The following KATNIP variants were observed in gnomAD, a reference collection of about 807,000 sequenced individuals.
KATNIP encodes katanin-interacting protein.
In KATNIP, 126 loss-of-function variants were observed where a neutral mutation model predicts 174.0. That is an observed-to-expected ratio of 0.72 (90% CI 0.63 to 0.84). The LOEUF (loss-of-function observed/expected upper bound fraction) is 0.84. KATNIP is among the 40% of genes least tolerant of loss of function. The pLI is 0.00. For synonymous variants in KATNIP, 810 were observed against 835.7 expected (o/e 0.97, Z 0.53); for missense variants, 1,958 against 2,109.7 (o/e 0.93, Z 1.41).
chr16:27,707,641 C>T (rs1167508129), intron 12 of KATNIP, among the ~76,000 whole-genome samples: 1 of 152,254 alleles, frequency 6.6e-6, no homozygotes, highest in African/African-American at 2.4e-5. Context: ...ACCAGGGCTG[C>T]CATAACAAAA....
intron 14 of KATNIP, among the ~76,000 whole-genome samples, chr16:27,735,688 C>T (rs778432314): frequency 6.6e-6 from 1 of 152,198 alleles, no homozygotes; most frequent in Non-Finnish European, 1.5e-5. Context: ...TGTGGCGTAA[C>T]GCAGGCCGGA....
Position 27,595,050 on chromosome 16 carries a change from T to G in KATNIP, c.63+21094T>G, listed in dbSNP as rs1020978078. On this transcript the variant is annotated intron_variant, in intron 2 of 27. Coordinates refer to ENST00000261588, the MANE Select transcript of KATNIP (RefSeq NM_015202.5). The stretch of plus-strand genomic sequence containing the variant: ...TTCAGGAGGAATTGGCATTGAAGCC[T>G]GAATAGATGATGGCAGGATTGGGGT... Among the ~76,000 whole-genome samples the G allele has an allele frequency of 9.8e-5, 15 of 152,288 alleles. 1 individual carries two copies. Among genetic ancestry groups the G allele is most frequent in the Admixed American group, 9.2e-4 (14 of 15,284 alleles).
chr16:27,710,462 C>T (rs930299653), intron 13 of KATNIP, among the ~76,000 whole-genome samples: 21 of 152,308 alleles, frequency 1.4e-4, no homozygotes, highest in African/African-American at 4.6e-4. Flanking sequence ...AGACTGTGAG[C>T]TAAACTGAGC....
At chr16:27,575,396 C>T (rs2106639) in intron 2 of KATNIP, among the ~76,000 whole-genome samples, 1,691 of 152,164 alleles carry the variant, frequency 0.011, 44 homozygotes, top group African/African-American at 0.038. Context: ...ATGTCCCAGG[C>T]TTATGAGAAT....
rs1181658524 is a variant in KATNIP at position 27,771,660 on chromosome 16, TCTC to T, written c.4198+13_4198+15del. The T allele has an allele frequency of 1.9e-6, 3 of 1,612,582 alleles. No individual in the cohort carries two copies. The highest frequency in any genetic ancestry group is 2.5e-6 in the Non-Finnish European group (3 of 1,179,192). On this transcript the variant is annotated intron_variant, in intron 22 of 27. Transcript: ENST00000261588. ...CGCTGATGCCCTGTGGCTGTATCCTTCTCCTCCCGCCCCACCAGCACATTCTGG... is the reference window on the plus strand; with the variant it reads ...CGCTGATGCCCTGTGGCTGTATCCTTCTCCCGCCCCACCAGCACATTCTGG...
intron 2 of KATNIP, among the ~76,000 whole-genome samples, chr16:27,607,305 G>T (rs894761324): frequency 6.6e-6 from 1 of 152,170 alleles, no homozygotes; most frequent in South Asian, 2.1e-4. Context: ...GAGGCTCTGA[G>T]ACCTTCAGAC....
intron 6 of KATNIP, among the ~76,000 whole-genome samples, chr16:27,671,132 G>T (rs955118189): frequency 3.3e-5 from 5 of 152,186 alleles, no homozygotes; most frequent in African/African-American, 1.2e-4. Flanking sequence ...GGCAGAGGTT[G>T]CAGTGAGCTG....
At chr16:27,650,098 G>A (rs1432853478) in intron 6 of KATNIP, among the ~76,000 whole-genome samples, 7 of 152,046 alleles carry the variant, frequency 4.6e-5, no homozygotes, top group South Asian at 2.1e-4. Flanking sequence ...TCTTGAACCC[G>A]GGAGGCAGAG....
chr16:27,757,409 C>G, intron 18 of KATNIP: 1 of 759,138 alleles, frequency 1.3e-6, no homozygotes, highest in Non-Finnish European at 1.6e-6. Flanking sequence ...CAGAGCGGGT[C>G]AGAGTGTGGT....
At chr16:27,772,711 A>C (rs2082349743) in intron 22 of KATNIP, among the ~76,000 whole-genome samples, 1 of 152,152 alleles carries the variant, frequency 6.6e-6, no homozygotes, top group Non-Finnish European at 1.5e-5. Flanking sequence ...TTTGTTCAAT[A>C]CCATACAATC....
chr16:27,564,349 A>G (rs2090005226), intron 1 of KATNIP, among the ~76,000 whole-genome samples: 1 of 152,124 alleles, frequency 6.6e-6, no homozygotes, highest in Non-Finnish European at 1.5e-5. Context: ...TAGCTAAGAG[A>G]GACGGGCTGA....
intron 6 of KATNIP, among the ~76,000 whole-genome samples, chr16:27,665,108 CTCTGT>C (rs2077636959): frequency 6.6e-6 from 1 of 150,886 alleles, no homozygotes; most frequent in Non-Finnish European, 1.5e-5. Flanking sequence ...ATTGTTTCTG[CTCTGT>C]TCTCCGGAGG....
At chr16:27,775,727 G>C (rs1002688947) in intron 24 of KATNIP, among the ~76,000 whole-genome samples, 24 of 152,356 alleles carry the variant, frequency 1.6e-4, no homozygotes, top group African/African-American at 5.5e-4. Flanking sequence ...CCCAGGGCCA[G>C]GTGCCTGGTA....
At chr16:27,665,255 C>G (rs2077642621) in intron 6 of KATNIP, among the ~76,000 whole-genome samples, 1 of 151,938 alleles carries the variant, frequency 6.6e-6, no homozygotes, top group Non-Finnish European at 1.5e-5. Context: ...AGGCATCCAC[C>G]ACCACGCCTG....
intron 2 of KATNIP, among the ~76,000 whole-genome samples, chr16:27,587,368 T>C (rs958565606): frequency 6.6e-6 from 1 of 152,244 alleles, no homozygotes; most frequent in African/African-American, 2.4e-5. Context: ...AGTTTACACC[T>C]GCAGATAGCC....
At chr16:27,586,100 C>G (rs540927551) in intron 2 of KATNIP, among the ~76,000 whole-genome samples, 52 of 151,818 alleles carry the variant, frequency 3.4e-4, no homozygotes, top group African/African-American at 1.2e-3. Context: ...GACTCTGTCT[C>G]AAAAAAATAA....
intron 14 of KATNIP, among the ~76,000 whole-genome samples, chr16:27,731,215 CAG>C (rs2080667661): frequency 6.6e-6 from 1 of 152,170 alleles, no homozygotes; most frequent in Non-Finnish European, 1.5e-5. Flanking sequence ...CCAAACTTAG[CAG>C]AGTTTTGACC....
intron 13 of KATNIP, among the ~76,000 whole-genome samples, chr16:27,717,649 A>G (rs1322099791): frequency 1.3e-5 from 2 of 152,136 alleles, no homozygotes; most frequent in Admixed American, 6.5e-5. Flanking sequence ...TGGGCAAGTT[A>G]TGGAGTAGAT....
chr16:27,581,100 A>T (rs570287142), intron 2 of KATNIP, among the ~76,000 whole-genome samples: 1 of 152,244 alleles, frequency 6.6e-6, no homozygotes, highest in Non-Finnish European at 1.5e-5. Context: ...ACAGCAAAAT[A>T]TGAATATTTA....
Sources: gnomAD v4.1 joint callset for allele counts (sites outside exome capture counted in the v4.1 genomes callset) on GRCh38, gnomAD v4.1.1 for gene constraint, MANE v1.5 for transcripts, NCBI Gene and HGNC (gene_info 2026-07-23, HGNC 2026-07-21) for gene names.